The following SPSB1 variants were observed in gnomAD, a reference collection of about 807,000 sequenced individuals.
The protein encoded by SPSB1 is splA/ryanodine receptor domain and SOCS box containing 1.
SPSB1 carries 8 observed loss-of-function variants against 21.2 expected under a neutral mutation model. The ratio of observed to expected loss-of-function variants is 0.38; its 90% confidence interval spans 0.22 to 0.68. The LOEUF is 0.68. SPSB1 is among the 30% of genes least tolerant of loss of function. The pLI is 0.53. For synonymous variants in SPSB1, 169 were observed against 161.7 expected (o/e 1.05, Z -0.34); for missense variants, 242 against 377.8 (o/e 0.64, Z 2.98).
rs1463252848 is a variant in SPSB1, at chr1:9,324,447, C to T, written c.-149-31296C>T. ...GCGTCTGGTGCCTGGGTGCACATCC[C>T]TGGCTGTCCTCCATGGTGTCTCTCT... On this transcript the variant is annotated intron_variant, in intron 1 of 2. Transcript: ENST00000328089. The surrounding 1 kb of genome is among the most constrained non-coding windows in gnomAD (Gnocchi z 4.3). 1.3e-5 allele frequency among the ~76,000 whole-genome samples: 2 copies of T among 152,110 alleles called. No homozygotes were observed. The highest frequency in any genetic ancestry group is 2.4e-5 in the African/African-American group (1 of 41,434).
At chr1:9,349,756 G>A (rs1014294996) in intron 1 of SPSB1, among the ~76,000 whole-genome samples, 3 of 152,250 alleles carry the variant, frequency 2.0e-5, no homozygotes, top group Non-Finnish European at 4.4e-5. Flanking sequence ...CCTTTCGGGA[G>A]TTCCCAACCC....
chr1:9,296,605 T>TGTGC (rs1639230375), intron 1 of SPSB1, among the ~76,000 whole-genome samples: 1 of 35,054 alleles, frequency 2.9e-5, no homozygotes, highest in Non-Finnish European at 9.5e-5. Flanking sequence ...CACACATACA[T>TGTGC]ATGCACACAC....
intron 2 of SPSB1, among the ~76,000 whole-genome samples, chr1:9,361,149 T>C (rs1245019001): frequency 7.2e-6 from 1 of 138,342 alleles, no homozygotes; most frequent in Non-Finnish European, 1.5e-5. Flanking sequence ...GCTGGATCTG[T>C]CATTTTCTTT....
intron 1 of SPSB1, among the ~76,000 whole-genome samples, chr1:9,299,468 A>ATC (rs113928555): frequency 0.011 from 1,645 of 150,314 alleles, 16 homozygotes; most frequent in African/African-American, 0.014. Flanking sequence ...GTGAGACGTC[A>ATC]TCTCTCTCTC....
chr1:9,343,872 G>A (rs513170), intron 1 of SPSB1, among the ~76,000 whole-genome samples: 1,796 of 152,144 alleles, frequency 0.012, 29 homozygotes, highest in Middle Eastern at 0.051. Flanking sequence ...TGAAAGCTCC[G>A]CCTCCTGGGT....
chr1:9,364,822 G>T lies in SPSB1; in HGVS notation c.695-2626G>T, dbSNP rs1245664949. Among the ~76,000 whole-genome samples, 6 of 139,008 alleles carry T rather than the reference G, an allele frequency of 4.3e-5. No homozygotes were observed. The East Asian group carries it at 1.0e-3, about 23-fold the overall frequency. 91.2% of individuals were successfully genotyped at this position (139,008 alleles called of 152,430 possible). A position where few individuals can be genotyped will look rare whatever the true frequency, so the allele number is the denominator to read the frequency against. Reference sequence around the variant, plus strand: ...ATTTTTTCAGTTTTGGGGTTTTTTTGTTGTTGTTTTGTTGTTGTTGTTGTC... The same window carrying T: ...ATTTTTTCAGTTTTGGGGTTTTTTTTTTGTTGTTTTGTTGTTGTTGTTGTC... On this transcript the variant is annotated intron_variant, in intron 2 of 2. Coordinates refer to ENST00000328089, the MANE Select transcript of SPSB1 (RefSeq NM_025106.4).
At chr1:9,322,895 A>G (rs750186894) in intron 1 of SPSB1, among the ~76,000 whole-genome samples, 3 of 122,762 alleles carry the variant, frequency 2.4e-5, no homozygotes, top group Non-Finnish European at 3.4e-5. Context: ...CGCTCTTCTC[A>G]GCCCCTTTTT....
intron 1 of SPSB1, among the ~76,000 whole-genome samples, chr1:9,314,009 C>T (rs1217057949): frequency 6.6e-6 from 1 of 152,074 alleles, no homozygotes; most frequent in Non-Finnish European, 1.5e-5. Flanking sequence ...AATCCCTTTT[C>T]CACTAAAAAT....
At position 9,351,351 on chromosome 1, in the gene SPSB1, G is replaced by C. The variant is rs141578903; in HGVS notation, c.-149-4392G>C. ...TAGGGCCAGATGTGGTGACCAGGAA[G>C]ACAGGAGAACAGTGATCTTTGATCA... On this transcript the variant is annotated intron_variant, in intron 1 of 2. Coordinates refer to ENST00000328089, the MANE Select transcript of SPSB1 (RefSeq NM_025106.4). 1.8e-4 allele frequency: 27 copies of C among 152,438 alleles called. No homozygotes were observed. The East Asian group carries it at 5.2e-3, about 29-fold the overall frequency. The allele number at this position is 152,438 out of a possible 1,614,324, so 9.4% of individuals were successfully genotyped here.
At chr1:9,361,161 T>TTTTTTTTTTTTTTTTTTTTGAGA (rs1640469645) in intron 2 of SPSB1, among the ~76,000 whole-genome samples, 1 of 119,828 alleles carries the variant, frequency 8.3e-6, no homozygotes, top group Non-Finnish European at 1.7e-5. Context: ...ATTTTCTTTT[T>TTTTTTTTTTTTTTTTTTTTGAGA]TTTTTTTTTT....
At chr1:9,315,173 C>T (rs977889367) in intron 1 of SPSB1, among the ~76,000 whole-genome samples, 12 of 152,170 alleles carry the variant, frequency 7.9e-5, no homozygotes, top group African/African-American at 2.7e-4. Flanking sequence ...CTGCACCTGC[C>T]GGCACCCAGC....
intron 1 of SPSB1, among the ~76,000 whole-genome samples, chr1:9,301,372 T>C (rs1021694393): frequency 2.6e-5 from 4 of 152,076 alleles, no homozygotes; most frequent in African/African-American, 9.7e-5. Flanking sequence ...TGGTAGCTCA[T>C]GCCTGCAGTC....
chr1:9,295,852 G>A (rs967777398), intron 1 of SPSB1, among the ~76,000 whole-genome samples: 2 of 152,188 alleles, frequency 1.3e-5, no homozygotes, highest in African/African-American at 4.8e-5. Flanking sequence ...GTTGTAGCTG[G>A]TGTGCATGAC....
chr1:9,362,064 C>G (rs902361680), intron 2 of SPSB1, among the ~76,000 whole-genome samples: 1 of 152,228 alleles, frequency 6.6e-6, no homozygotes, highest in South Asian at 2.1e-4. Context: ...AAGGTCAGCT[C>G]GTCTCCTCAA....
At chr1:9,323,094 G>A (rs879311104) in intron 1 of SPSB1, among the ~76,000 whole-genome samples, 2 of 152,174 alleles carry the variant, frequency 1.3e-5, no homozygotes, top group Admixed American at 6.5e-5. Context: ...CCCCAGCTCC[G>A]GCCTTCGAGG....
rs1005081594 is a variant in SPSB1, at chr1:9,305,211, C to T, written c.-150+12140C>T. ...CTCTTCATGCTGCCTGGTCCCGCCT[C>T]GGCTGGCCCGTTCCTACCGGCTGGC... On this transcript the variant is annotated intron_variant, in intron 1 of 2. Transcript: ENST00000328089. This position sits in a 1 kb window ranked among gnomAD's most constrained non-coding sequence, Gnocchi z 4.8. 5.9e-5 allele frequency among the ~76,000 whole-genome samples: 9 copies of T among 152,214 alleles called. No individual in the cohort carries two copies. The highest frequency in any genetic ancestry group is 2.1e-4 in the South Asian group (1 of 4,830).
At chr1:9,298,083 C>T (rs1016008046) in intron 1 of SPSB1, among the ~76,000 whole-genome samples, 2 of 152,146 alleles carry the variant, frequency 1.3e-5, no homozygotes, top group African/African-American at 2.4e-5. Flanking sequence ...ACCTAATGGA[C>T]GGCAGAGGCA....
In SPSB1 at chr1:9,300,527, C is replaced by T. The variant is rs180810621; in HGVS notation, c.-150+7456C>T. On this transcript the variant is annotated intron_variant, in intron 1 of 2. Transcript: ENST00000328089. ...TTGGGATTTTGGAGCAAGGCCCTGC[C>T]ATCATCCACAAATAACTTCATTCCT... 4.6e-5 allele frequency among the ~76,000 whole-genome samples: 7 copies of T among 152,330 alleles called. No homozygotes were observed. In the South Asian group the frequency reaches 1.2e-3, roughly 27 times the overall value.
intron 1 of SPSB1, among the ~76,000 whole-genome samples, chr1:9,295,675 C>T (rs1057337379): frequency 2.6e-5 from 4 of 152,178 alleles, no homozygotes; most frequent in African/African-American, 4.8e-5. Context: ...CAGCGCTGCC[C>T]TCCCACCCCC....
Sources: allele counts gnomAD v4.1 joint callset (sites outside exome capture counted in the v4.1 genomes callset), GRCh38; gene constraint gnomAD v4.1.1; non-coding constraint Gnocchi (gnomAD v3.1); transcripts MANE v1.5; gene names NCBI Gene and HGNC (gene_info 2026-07-23, HGNC 2026-07-21).